Variants in DST observed in about 807,000 individuals in gnomAD.
The protein encoded by DST is dystonin.
A neutral mutation model predicts 875.2 loss-of-function variants in DST; 253 were observed. That is an observed-to-expected ratio of 0.29 (90% CI 0.26 to 0.32). DST has a LOEUF of 0.32. Among genes scored for constraint, DST ranks in the 10% least tolerant of loss-of-function variants. The pLI is 1.00. For synonymous variants in DST, 3,124 were observed against 3,197.1 expected (o/e 0.98, Z 0.77); for missense variants, 8,287 against 9,111.6 (o/e 0.91, Z 3.68).
In DST at chr6:56,642,023, G is replaced by A. The variant is rs767375796; in HGVS notation, c.1951C>T (p.Leu651Phe). Residue 651 changes from leucine (L) to phenylalanine (F), a missense_variant, in exon 17 of 104, where the codon CTT becomes TTT. Transcript: ENST00000680361. ...IAGYILECEN[L>F]LRQHVIDVQI... ...ACATCAATTACATGCTGGCGTAAAA[G>A]GTTCTCACATTCAAGTATATACCCA... 1.6e-5 allele frequency: 25 copies of A among 1,612,660 alleles called. No individual in the cohort carries two copies. Among genetic ancestry groups the A allele is most frequent in the Non-Finnish European group, 2.0e-5 (24 of 1,178,994 alleles).
chr6:56,912,157 C>T (rs1037131124), intron 2 of DST, among the ~76,000 whole-genome samples: 20 of 152,246 alleles, frequency 1.3e-4, no homozygotes, highest in African/African-American at 4.8e-4. Flanking sequence ...CAGGCTGTTT[C>T]CAGTGCAGCC....
intron 9 of DST, among the ~76,000 whole-genome samples, chr6:56,676,290 A>G (rs1588338083): frequency 6.6e-6 from 1 of 151,862 alleles, no homozygotes; most frequent in Non-Finnish European, 1.5e-5. Context: ...CTGGTCTTGA[A>G]CTCCTGACCT....
At chr6:56,547,508 A>C (rs569679366) in intron 61 of DST, among the ~76,000 whole-genome samples, 1 of 152,304 alleles carries the variant, frequency 6.6e-6, no homozygotes, top group East Asian at 1.9e-4. Context: ...CAAAAATCCA[A>C]TCTATTAAGG....
intron 4 of DST, among the ~76,000 whole-genome samples, chr6:56,759,355 G>A (rs1379944861): frequency 2.0e-5 from 3 of 152,082 alleles, no homozygotes; most frequent in Non-Finnish European, 4.4e-5. Context: ...GGAGGCTGAG[G>A]AAGGAGAATT....
intron 4 of DST, among the ~76,000 whole-genome samples, chr6:56,831,188 C>T (rs546388218): frequency 6.6e-6 from 1 of 152,286 alleles, no homozygotes; most frequent in Non-Finnish European, 1.5e-5. Context: ...TTTACATTTG[C>T]TGAGCCATGG....
chr6:56,777,522 T>C (rs13200559), intron 4 of DST, among the ~76,000 whole-genome samples: 4 of 151,932 alleles, frequency 2.6e-5, no homozygotes, highest in Admixed American at 6.5e-5. Context: ...AAATCACAGA[T>C]AGCTTGCTCA....
chr6:56,811,751 C>T (rs1313114088), intron 4 of DST, among the ~76,000 whole-genome samples: 1 of 152,106 alleles, frequency 6.6e-6, no homozygotes, highest in Non-Finnish European at 1.5e-5. Context: ...AGAGAAAGCA[C>T]TCACTTCTTT....
chr6:56,788,104 G>C (rs1216008691), intron 4 of DST, among the ~76,000 whole-genome samples: 1 of 107,838 alleles, frequency 9.3e-6, no homozygotes, highest in Admixed American at 1.2e-4. Flanking sequence ...ATTCCAGCCT[G>C]AGTGACAGAG....
In DST at chr6:56,916,761, C is replaced by CTA. The variant is rs1801187415; in HGVS notation, c.217-16141_217-16140insTA. 4.4e-5 allele frequency among the ~76,000 whole-genome samples: 4 copies of CTA among 90,406 alleles called. 1 individual carries two copies. The highest frequency in any genetic ancestry group is 1.0e-3 in the South Asian group (2 of 1,946). The allele number at this position is 90,406 out of a possible 152,430, so 59.3% of individuals were successfully genotyped here. A position where few individuals can be genotyped will look rare whatever the true frequency, so the allele number is the denominator to read the frequency against. Reference sequence around the variant, plus strand: ...ATCTTCTCTCTCTCTCTATCTCTCTCTCTCTCTCTCTCTCTCTCACACACA... The same window carrying CTA: ...ATCTTCTCTCTCTCTCTATCTCTCTCTATCTCTCTCTCTCTCTCTCACACACA... On this transcript the variant is annotated intron_variant, in intron 2 of 103. Transcript: ENST00000680361.
intron 38 of DST, among the ~76,000 whole-genome samples, chr6:56,611,006 C>A (rs1488999142): frequency 6.6e-6 from 1 of 152,110 alleles, no homozygotes; most frequent in Non-Finnish European, 1.5e-5. Context: ...ATGAAATAAT[C>A]CTAGGAGGAC....
intron 4 of DST, among the ~76,000 whole-genome samples, chr6:56,824,010 CCCACGGTCTCCCTCTCCCTCTCTTT>C (rs1190295413): frequency 1.2e-3 from 187 of 152,194 alleles, no homozygotes; most frequent in African/African-American, 1.0e-3. Flanking sequence ...TCTGCCTCTC[CCCACGGTCTCCCTCTCCCTCTCTTT>C]CCACGGTCTC....
At chr6:56,510,465 T>A (rs1434766798) in intron 73 of DST, among the ~76,000 whole-genome samples, 1 of 152,186 alleles carries the variant, frequency 6.6e-6, no homozygotes, top group Non-Finnish European at 1.5e-5. Context: ...TAACAGAAGT[T>A]ACAAGTGTCA....
intron 10 of DST, among the ~76,000 whole-genome samples, chr6:56,667,232 A>G (rs1227930623): frequency 6.6e-6 from 1 of 152,180 alleles, no homozygotes; most frequent in Admixed American, 6.5e-5. Flanking sequence ...TCTAAATGTG[A>G]TTATTATTGT....
At position 56,536,794 on chromosome 6, in the gene DST, C is replaced by T; in HGVS notation, c.16755G>A (p.Lys5585=). 6.3e-7 allele frequency: 1 copy of T among 1,577,012 alleles called. No homozygotes were observed. The highest frequency in any genetic ancestry group is 8.6e-7 in the Non-Finnish European group (1 of 1,160,844). The change falls in exon 62 of 104, where the codon AAG becomes AAA. Residue 5585 remains lysine (K), a synonymous_variant. Transcript: ENST00000680361. ...HDLDDVNARW[K]TLNKKVAQRA... is the part of the protein sequence containing the mutation. ...AGAAAATTACCTTCTTATTGAGAGT[C>T]TTCCACCGTGCATTGACATCATCCA...
intron 4 of DST, among the ~76,000 whole-genome samples, chr6:56,836,041 G>T (rs1305462609): frequency 6.6e-6 from 1 of 152,074 alleles, no homozygotes; most frequent in Admixed American, 6.5e-5. Flanking sequence ...CATTAGAATT[G>T]ATAATACAAC....
Position 56,632,949 on chromosome 6 carries a change from G to C in DST, c.3710C>G (p.Ser1237Cys), listed in dbSNP as rs1207151949. The C allele has an allele frequency of 6.2e-7, 1 of 1,613,844 alleles. No homozygotes were observed. Among genetic ancestry groups the C allele is most frequent in the African/African-American group, 1.3e-5 (1 of 75,030 alleles). The change falls in exon 28 of 104, where the codon TCC (serine) becomes TGC (cysteine). Residue 1237 changes from serine to cysteine, a missense_variant. Ser to Cys is a moderately radical substitution (Grantham distance 112). Around this residue, in one of 10 missense-constraint regions of DST, gnomAD observed 3,138 missense variants for 3,116.6 expected, o/e 1.01. Coordinates refer to ENST00000680361, the MANE Select transcript of DST (RefSeq NM_001374736.1). ...TATATCTGAGCCTGAAAAGACTTGGGATTCCTGGCTATCTTCCAGAAAATC... is the reference window on the plus strand; with the variant it reads ...TATATCTGAGCCTGAAAAGACTTGGCATTCCTGGCTATCTTCCAGAAAATC... The part of the protein sequence containing the change: ...FEDFLEDSQE[S>C]QVFSGSDITQ...
At chr6:56,618,641 G>C in intron 36 of DST, 1 of 1,614,078 alleles carries the variant, frequency 6.2e-7, no homozygotes, top group Non-Finnish European at 8.5e-7. Context: ...TTTAATGTTT[G>C]TTTCACAAAG....
At chr6:56,851,802 C>G in intron 3 of DST, 198 bp from the exon 4 acceptor site, 1 of 1,551,624 alleles carries the variant, frequency 6.4e-7, no homozygotes, top group Non-Finnish European at 8.7e-7. Flanking sequence ...TTTTCTTGGC[C>G]AAGTCTCCAA....
At chr6:56,867,587 C>T (rs1218796312) in intron 3 of DST, among the ~76,000 whole-genome samples, 2 of 152,140 alleles carry the variant, frequency 1.3e-5, no homozygotes, top group African/African-American at 4.8e-5. Context: ...TTTGGGAGGC[C>T]AAGGTGGGCG....
Sources: gnomAD v4.1 joint callset for allele counts (sites outside exome capture counted in the v4.1 genomes callset) on GRCh38, gnomAD v4.1.1 for gene constraint, gnomAD v4.1.1 regional missense constraint, MANE v1.5 for transcripts, NCBI Gene and HGNC (gene_info 2026-07-23, HGNC 2026-07-21) for gene names.